Variants in TMED3 observed in about 807,000 individuals in gnomAD.
The protein encoded by TMED3 is transmembrane p24 trafficking protein 3.
In TMED3, 9 loss-of-function variants were observed where a neutral mutation model predicts 15.0. That is an observed-to-expected ratio of 0.60 (90% confidence interval 0.36 to 1.04). The LOEUF is 1.04. Ranked by LOEUF, TMED3 falls within the 50% of genes least tolerant of loss-of-function variation. The pLI is 0.01. For synonymous variants in TMED3, 117 were observed against 121.4 expected (o/e 0.96, Z 0.24); for missense variants, 267 against 278.9 (o/e 0.96, Z 0.30).
intron 2 of TMED3, among the ~76,000 whole-genome samples, chr15:79,349,798 G>A (rs963594452): frequency 2.0e-5 from 3 of 152,126 alleles, no homozygotes; most frequent in Non-Finnish European, 4.4e-5. Context: ...CTGTTCTTCC[G>A]CCTAGAAGGC....
intron 1 of TMED3, among the ~76,000 whole-genome samples, chr15:79,312,545 G>A (rs1567020648): frequency 6.6e-6 from 1 of 152,196 alleles, no homozygotes; most frequent in African/African-American, 2.4e-5. Flanking sequence ...AGCAGGACTA[G>A]TAACTTTTGT....
chr15:79,370,197 T>C lies in TMED3; in HGVS notation c.418-41203T>C, dbSNP rs376354385. Among the ~76,000 whole-genome samples, 5 of 151,404 alleles carry C rather than the reference T, an allele frequency of 3.3e-5. No homozygotes were observed. The East Asian group carries it at 9.7e-4, about 29-fold the overall frequency. On this transcript the variant is annotated intron_variant, in intron 2 of 2. Transcript: ENST00000424155. ...CCTCCACCTCCCAGATTCAAGTGAT[T>C]CTCCTGCCTCAGCTCTCAAGTAGCT...
intron 2 of TMED3, among the ~76,000 whole-genome samples, chr15:79,337,637 A>G (rs987613010): frequency 4.6e-5 from 7 of 152,092 alleles, no homozygotes; most frequent in Admixed American, 4.6e-4. Context: ...CTTTTTCCTG[A>G]TCTCTTTTAT....
chr15:79,322,796 AAAACTGTGGG>A lies in TMED3; in HGVS notation c.*592_*601del. ...GAGCTGTGTATTTCCTAGGAGGTAG[AAAACTGTGGG>A]AAACTGTGGCTAATAAAAACTAAGT... is the stretch of plus-strand genomic sequence containing the variant. On this transcript the variant is annotated 3_prime_UTR_variant, in exon 3 of 3. Coordinates refer to ENST00000299705, the MANE Select transcript of TMED3 (RefSeq NM_007364.4). The A allele has an allele frequency of 1.0e-6, 1 of 985,518 alleles. No individual in the cohort carries two copies. The highest frequency in any genetic ancestry group is 1.2e-6 in the Non-Finnish European group (1 of 830,064). 61.0% of individuals were successfully genotyped at this position (985,518 alleles called of 1,614,324 possible). A position where few individuals can be genotyped will look rare whatever the true frequency, so the allele number is the denominator to read the frequency against.
chr15:79,349,376 C>T (rs2058883122), intron 2 of TMED3, among the ~76,000 whole-genome samples: 1 of 151,888 alleles, frequency 6.6e-6, no homozygotes, highest in African/African-American at 2.4e-5. Context: ...ACTTTTTTAT[C>T]ATCTCTGGTA....
intron 2 of TMED3, among the ~76,000 whole-genome samples, chr15:79,368,344 G>A (rs1182000186): frequency 1.3e-5 from 2 of 152,092 alleles, no homozygotes; most frequent in Non-Finnish European, 2.9e-5. Flanking sequence ...TACTTTGCTG[G>A]CAGCAGATTG....
intron 2 of TMED3, among the ~76,000 whole-genome samples, chr15:79,393,341 A>G (rs1489862355): frequency 1.3e-5 from 2 of 152,226 alleles, no homozygotes; most frequent in African/African-American, 2.4e-5. Flanking sequence ...AGTAGCTACT[A>G]TCTGTAAGTA....
At chr15:79,327,006 A>G (rs576251248), downstream of TMED3, among the ~76,000 whole-genome samples, 202 of 152,178 alleles carry the variant, frequency 1.3e-3, no homozygotes, top group Non-Finnish European at 2.3e-3. Flanking sequence ...AGGTAGCAAG[A>G]GAGAGCGGTG....
At chr15:79,345,322 C>T (rs1207818822) in intron 2 of TMED3, among the ~76,000 whole-genome samples, 1 of 152,094 alleles carries the variant, frequency 6.6e-6, no homozygotes, top group Non-Finnish European at 1.5e-5. Context: ...CTCTGATAGG[C>T]CATAGTGTGT....
intron 2 of TMED3, among the ~76,000 whole-genome samples, chr15:79,389,573 G>A (rs1371311642): frequency 6.6e-6 from 1 of 152,034 alleles, no homozygotes; most frequent in African/African-American, 2.4e-5. Context: ...TGGCTATGTG[G>A]GCTCTTGTTT....
At chr15:79,313,245 C>A (rs1567020828) in intron 1 of TMED3, among the ~76,000 whole-genome samples, 1 of 152,072 alleles carries the variant, frequency 6.6e-6, no homozygotes, top group African/African-American at 2.4e-5. Flanking sequence ...GGAATAGTTT[C>A]TTGGACATCC....
At chr15:79,382,949 G>C in intron 2 of TMED3, 2 of 1,535,264 alleles carry the variant, frequency 1.3e-6, no homozygotes, top group East Asian at 4.9e-5. Context: ...GCATAAACAC[G>C]ATTTATTTCT....
downstream of TMED3, among the ~76,000 whole-genome samples, chr15:79,323,295 G>C (rs2058775884): frequency 1.3e-5 from 2 of 152,202 alleles, no homozygotes; most frequent in South Asian, 4.1e-4. Context: ...TGTCTCCGCT[G>C]AAGGAAACCT....
chr15:79,375,918 T>C (rs186011194), intron 2 of TMED3, among the ~76,000 whole-genome samples: 1 of 152,298 alleles, frequency 6.6e-6, no homozygotes, highest in East Asian at 1.9e-4. Context: ...TGTTGTCCTG[T>C]CATCCTCTGC....
At position 79,322,262 on chromosome 15, in the gene TMED3, T is replaced by G; in HGVS notation, c.*48T>G. 6.3e-7 allele frequency: 1 copy of G among 1,576,236 alleles called. No homozygotes were observed. Among genetic ancestry groups the G allele is most frequent in the East Asian group, 2.2e-5 (1 of 44,528 alleles). ...CCCTCATGCCCCAGGCTGGAGCAGCTCTCCTAGGTCACAGCCTGCTGGGCT... is the reference window on the plus strand; with the variant it reads ...CCCTCATGCCCCAGGCTGGAGCAGCGCTCCTAGGTCACAGCCTGCTGGGCT... On this transcript the variant is annotated 3_prime_UTR_variant, in exon 3 of 3. Coordinates refer to ENST00000299705, the MANE Select transcript of TMED3 (RefSeq NM_007364.4).
intron 2 of TMED3, among the ~76,000 whole-genome samples, chr15:79,364,142 C>T (rs1021400726): frequency 5.3e-5 from 8 of 152,100 alleles, no homozygotes. Flanking sequence ...AGCAGGTTGC[C>T]GGTTGGCCCT....
At chr15:79,401,011 G>A (rs1304902412) in intron 2 of TMED3, among the ~76,000 whole-genome samples, 23 of 152,196 alleles carry the variant, frequency 1.5e-4, no homozygotes, top group Non-Finnish European at 5.9e-5. Context: ...CAAACATCCT[G>A]AAGATAACAA....
At chr15:79,336,377 G>T (rs1298558114) in intron 2 of TMED3, among the ~76,000 whole-genome samples, 2 of 152,192 alleles carry the variant, frequency 1.3e-5, no homozygotes, top group South Asian at 2.1e-4. Context: ...CTACATTAGG[G>T]CTGGGCACAG....
At chr15:79,316,900 G>A (rs1049591712) in intron 2 of TMED3, among the ~76,000 whole-genome samples, 2 of 152,148 alleles carry the variant, frequency 1.3e-5, no homozygotes, top group Non-Finnish European at 2.9e-5. Flanking sequence ...GAAATTTTGT[G>A]GTAACAGGCT....
Sources: allele counts gnomAD v4.1 joint callset (sites outside exome capture counted in the v4.1 genomes callset), GRCh38; gene constraint gnomAD v4.1.1; transcripts MANE v1.5; gene names NCBI Gene and HGNC (gene_info 2026-07-23, HGNC 2026-07-21).